The following TASOR2 variants were observed in gnomAD, a reference collection of about 807,000 sequenced individuals.
The protein encoded by TASOR2 is protein TASOR 2.
In TASOR2, 84 loss-of-function variants were observed where a neutral mutation model predicts 199.5. The ratio of observed to expected loss-of-function variants is 0.42; its 90% CI spans 0.35 to 0.50. The LOEUF (loss-of-function observed/expected upper bound fraction) is 0.50, where lower values mean the gene tolerates loss of function less well. Ranked by LOEUF, TASOR2 falls within the 20% of genes least tolerant of loss-of-function variation. The pLI, the probability that TASOR2 is intolerant of heterozygous loss-of-function variation, is 0.02. For synonymous variants in TASOR2, 1,103 were observed against 1,046.6 expected (o/e 1.05, Z -1.04); for missense variants, 2,796 against 2,835.9 (o/e 0.99, Z 0.32).
At position 5,698,611 on chromosome 10, in the gene TASOR2, G is replaced by A. The variant is rs1588610297; in HGVS notation, c.-288+13436G>A. ...TCATTCCTATTTATGCATTTTCTATGGCTGTTTTTATGCTCTACCGGTAGA... is the reference window on the plus strand; with the variant it reads ...TCATTCCTATTTATGCATTTTCTATAGCTGTTTTTATGCTCTACCGGTAGA... On this transcript the variant is annotated intron_variant, in intron 1 of 20. Coordinates refer to ENST00000328090, the Ensembl canonical transcript of TASOR2. This position sits in a 1 kb window ranked among gnomAD's most constrained non-coding sequence, Gnocchi z 4.4. Among the ~76,000 whole-genome samples the A allele has an allele frequency of 6.6e-6, 1 of 152,192 alleles. No individual in the cohort carries two copies. Among genetic ancestry groups the A allele is most frequent in the East Asian group, 1.9e-4 (1 of 5,184 alleles).
chr10:5,761,163 T>C (rs1284601484), intron 18 of TASOR2, 127 bp from the exon 20 acceptor site: 1 of 738,420 alleles, frequency 1.4e-6, no homozygotes, highest in Non-Finnish European at 2.2e-6. Flanking sequence ...CCAAAGTGTG[T>C]CATGAAAAAG....
chr10:5,761,959 C>T (rs1459064121), intron 19 of TASOR2, among the ~76,000 whole-genome samples: 7 of 151,658 alleles, frequency 4.6e-5, no homozygotes, highest in Non-Finnish European at 7.4e-5. Context: ...GCTTGAACCC[C>T]GGAGGCAGAG....
At position 5,722,779 on chromosome 10, in the gene TASOR2, GAGC is replaced by G. The variant is rs1833540220; in HGVS notation, c.147-895_147-893del. ...TCCCAGCACTTTGGGAGGCCGAGGT[GAGC>G]AGATTGCCTGAGGTCAGGAGTTGGA... is the stretch of plus-strand genomic sequence containing the variant. On this transcript the variant is annotated intron_variant, in intron 6 of 20. Coordinates refer to ENST00000328090, the Ensembl canonical transcript of TASOR2. The surrounding 1 kb of genome is among the most constrained non-coding windows in gnomAD (Gnocchi z 4.0). Among the ~76,000 whole-genome samples, 2 of 152,046 alleles carry G rather than the reference GAGC, an allele frequency of 1.3e-5. No individual in the cohort carries two copies. The highest frequency in any genetic ancestry group is 2.9e-5 in the Non-Finnish European group (2 of 68,006).
chr10:5,756,240 C>T (rs955698604), intron 15 of TASOR2, among the ~76,000 whole-genome samples: 3 of 152,168 alleles, frequency 2.0e-5, no homozygotes, highest in African/African-American at 4.8e-5. Context: ...TAAAGAAATA[C>T]ATGGGTATTG....
chr10:5,693,440 A>G (rs958627377), intron 1 of TASOR2, among the ~76,000 whole-genome samples: 12 of 152,174 alleles, frequency 7.9e-5, no homozygotes, highest in Admixed American at 6.5e-5. Context: ...TTTTTAATGA[A>G]TGTTTAAGTT....
chr10:5,694,390 A>ATT (rs1836886972), intron 1 of TASOR2, among the ~76,000 whole-genome samples: 1 of 152,242 alleles, frequency 6.6e-6, no homozygotes, highest in South Asian at 2.1e-4. Context: ...ACCCTACTGT[A>ATT]TAACAGGCAC....
intron 7 of TASOR2, among the ~76,000 whole-genome samples, chr10:5,723,994 C>T (rs1253803908): frequency 2.0e-5 from 3 of 152,150 alleles, no homozygotes; most frequent in Non-Finnish European, 4.4e-5. Context: ...CAAAGGCTAG[C>T]TTTAATATAG....
rs1836222111 is a variant in TASOR2, at chr10:5,740,318, G to A, written c.2148G>A (p.Val716=). 9 of 1,614,158 alleles carry A rather than the reference G, an allele frequency of 5.6e-6. No homozygotes were observed. Among genetic ancestry groups the A allele is most frequent in the Non-Finnish European group, 7.6e-6 (9 of 1,180,038 alleles). The stretch of plus-strand genomic sequence containing the variant: ...AAAAGCCTCCTGACGACCCCGTGGT[G>A]AAGCCCAAGGATCGACCACCGTCTG... The change falls in exon 13 of 21, where the codon GTG becomes GTA. Residue 716 remains valine (V), a synonymous_variant. Coordinates refer to ENST00000328090, the Ensembl canonical transcript of TASOR2. The surrounding 1 kb of genome is among the most constrained non-coding windows in gnomAD (Gnocchi z 5.3).
rs1457278172 is a variant in TASOR2, at chr10:5,746,352, C to A, written c.2931C>A (p.Phe977Leu). The A allele has an allele frequency of 1.9e-6, 3 of 1,614,026 alleles. No individual in the cohort carries two copies. The African/African-American group carries it at 4.0e-5, about 22-fold the overall frequency. The change falls in exon 15 of 21, where the codon TTC (phenylalanine) becomes TTA (leucine). Residue 977 changes from phenylalanine (F) to leucine (L), a missense_variant. Physicochemically the swap from Phe to Leu is conservative, Grantham distance 22 (BLOSUM62 0). Transcript: ENST00000328090. Reference sequence around the variant, plus strand: ...GTGGCACTGTTACTCAAGCCACATTCACCAGGACTTACGATGGGCCTGGCA... The same window carrying A: ...GTGGCACTGTTACTCAAGCCACATTAACCAGGACTTACGATGGGCCTGGCA...
intron 2 of TASOR2, 199 bp from the exon 3 acceptor site, chr10:5,713,936 C>T (rs572080232): frequency 2.9e-6 from 1 of 348,624 alleles, no homozygotes; most frequent in Non-Finnish European, 5.1e-6. Context: ...AGTTGTGCCT[C>T]ATGCCTGTAA....
At chr10:5,758,924 A>G in exon 18 of TASOR2, 1 of 1,614,066 alleles carries the variant, frequency 6.2e-7, no homozygotes, top group Non-Finnish European at 8.5e-7. Context: ...TGGAAAAACT[A>G]AATGGAAATG....
chr10:5,725,297 A>T (rs554323240), intron 8 of TASOR2, among the ~76,000 whole-genome samples: 1 of 146,608 alleles, frequency 6.8e-6, no homozygotes, highest in Non-Finnish European at 1.5e-5. Context: ...AGGCTGAGGC[A>T]GGAGAATGGC....
At chr10:5,726,541 A>G (rs545130838) in intron 8 of TASOR2, among the ~76,000 whole-genome samples, 18 of 152,350 alleles carry the variant, frequency 1.2e-4, no homozygotes, top group African/African-American at 4.1e-4. Flanking sequence ...TGAGTTTATA[A>G]TGACTACATG....
exon 15 of TASOR2, chr10:5,746,638 G>A: frequency 6.2e-7 from 1 of 1,614,126 alleles, no homozygotes; most frequent in Non-Finnish European, 8.5e-7. Context: ...AAATACTGCT[G>A]ATGAACGTAC....
chr10:5,761,289 G>A lies in TASOR2; in HGVS notation c.6993-1G>A. On this transcript the variant is annotated splice_acceptor_variant, in intron 18 of 20. Transcript: ENST00000328090. LOFTEE classifies it high-confidence loss of function. ...TTAATATGCCTATGTATCTTTCACA[G>A]AGTGGATTCAACTGCACATAAGAAG... The A allele has an allele frequency of 6.2e-7, 1 of 1,610,670 alleles. No homozygotes were observed. Among genetic ancestry groups the A allele is most frequent in the Non-Finnish European group, 8.5e-7 (1 of 1,178,332 alleles).
In TASOR2 at chr10:5,740,060, C is replaced by T; in HGVS notation, c.1890C>T (p.Ala630=). The T allele has an allele frequency of 6.2e-7, 1 of 1,614,036 alleles. No homozygotes were observed. Among genetic ancestry groups the T allele is most frequent in the Non-Finnish European group, 8.5e-7 (1 of 1,180,028 alleles). Residue 630 remains alanine, a synonymous_variant, in exon 13 of 21, where the codon GCC becomes GCT. Transcript: ENST00000328090. The surrounding 1 kb of genome is among the most constrained non-coding windows in gnomAD (Gnocchi z 5.3). ...CTTGTAGTCAGGCCCCTGCTAAAGC[C>T]CAGTCAGCACTTACTGAGGAAATGC...
Position 5,754,537 on chromosome 10 carries a change from G to T in TASOR2, c.6607-2076G>T, listed in dbSNP as rs1442035300. On this transcript the variant is annotated intron_variant, in intron 15 of 20. Coordinates refer to ENST00000328090, the Ensembl canonical transcript of TASOR2. This position sits in a 1 kb window ranked among gnomAD's most constrained non-coding sequence, Gnocchi z 4.3. ...CTCGAATAGCTGGGATTACAGGTGC[G>T]TGCCACCATGCCTGGCTAATTTTTG... Among the ~76,000 whole-genome samples the T allele has an allele frequency of 6.6e-6, 1 of 151,934 alleles. No homozygotes were observed. Among genetic ancestry groups the T allele is most frequent in the Non-Finnish European group, 1.5e-5 (1 of 68,004 alleles).
exon 15 of TASOR2, chr10:5,749,777 A>G (rs1158347395): frequency 2.5e-6 from 4 of 1,614,086 alleles, no homozygotes; most frequent in African/African-American, 2.7e-5. Context: ...GCTGAATTCA[A>G]CAAGGTGATG....
chr10:5,763,449 A>G (rs1485767377), exon 21 of TASOR2: 1 of 158,256 alleles, frequency 6.3e-6, no homozygotes, highest in Non-Finnish European at 1.4e-5. Context: ...TAAAAACTAT[A>G]ATCTTAAATG....
Sources: gnomAD v4.1 joint callset for allele counts (sites outside exome capture counted in the v4.1 genomes callset) on GRCh38, gnomAD v4.1.1 for gene constraint, Gnocchi (gnomAD v3.1) non-coding constraint, MANE v1.5 for transcripts, NCBI Gene and HGNC (gene_info 2026-07-23, HGNC 2026-07-21) for gene names.